Variants in CNGB3 observed in about 807,000 individuals in gnomAD.
The protein encoded by CNGB3 is cyclic nucleotide-gated channel beta-3.
CNGB3 carries 86 observed loss-of-function variants against 92.8 expected under a neutral mutation model. The observed-to-expected ratio is 0.93, with a 90% CI of 0.78 to 1.11. CNGB3 has a LOEUF of 1.11. Among genes scored for constraint, CNGB3 ranks in the 50% least tolerant of loss-of-function variants. CNGB3 has a pLI of 0.00. For missense variants in CNGB3, 1,026 were observed against 956.8 expected (o/e 1.07, Z -0.95); for synonymous variants, 333 against 332.7 (o/e 1.00, Z -0.01).
intron 3 of CNGB3, among the ~76,000 whole-genome samples, chr8:86,677,657 G>T (rs754845339): frequency 1.3e-5 from 2 of 152,094 alleles, no homozygotes; most frequent in Non-Finnish European, 2.9e-5. Flanking sequence ...TAGAGAGACA[G>T]ATCTAAAAGA....
At position 86,617,523 on chromosome 8, in the gene CNGB3, C is replaced by T. The variant is rs151005686; in HGVS notation, c.1579-5852G>A. On this transcript the variant is annotated intron_variant, in intron 13 of 17. Transcript: ENST00000320005. ...TCAGTTCTTCATGCCATTGACTATG[C>T]GAGGCATGATACTGATTGGTAGCTG... Among the ~76,000 whole-genome samples the T allele has an allele frequency of 4.8e-3, 729 of 152,164 alleles. 6 individuals carry two copies. The highest frequency in any genetic ancestry group is 0.016 in the African/African-American group (684 of 41,526).
rs74894608 is a variant in CNGB3, at chr8:86,622,163, T to C, written c.1578+3820A>G. On this transcript the variant is annotated intron_variant, in intron 13 of 17. Coordinates refer to ENST00000320005, the MANE Select transcript of CNGB3 (RefSeq NM_019098.5). ...ATTCCGTGGTATATTGGTGTGTATA[T>C]ACAAATACATCAATATGTAGTAGAG... 3.3e-4 allele frequency among the ~76,000 whole-genome samples: 51 copies of C among 152,316 alleles called. 2 individuals carry two copies. The East Asian group carries it at 8.9e-3, about 26-fold the overall frequency.
intron 7 of CNGB3, among the ~76,000 whole-genome samples, chr8:86,648,558 A>G (rs573889778): frequency 1.8e-4 from 27 of 151,402 alleles, no homozygotes; most frequent in African/African-American, 6.3e-4. Context: ...GTCATGTATT[A>G]AAATTATTTT....
At position 86,739,647 on chromosome 8, in the gene CNGB3, A is replaced by G. The variant is rs1365685560; in HGVS notation, c.211+8T>C. 7.7e-6 allele frequency: 12 copies of G among 1,555,878 alleles called. No homozygotes were observed. The highest frequency in any genetic ancestry group is 1.0e-5 in the Non-Finnish European group (12 of 1,155,948). On this transcript the variant is annotated splice_region_variant and intron_variant, in intron 2 of 17. Transcript: ENST00000320005. The stretch of plus-strand genomic sequence containing the variant: ...TTTTTTTTTTTTTTTTTCAGACTGC[A>G]TTCTGACCTTGTATGTTGGTGTGTG...
At chr8:86,732,669 A>T (rs969200259) in intron 2 of CNGB3, among the ~76,000 whole-genome samples, 1 of 152,170 alleles carries the variant, frequency 6.6e-6, no homozygotes, top group African/African-American at 2.4e-5. Context: ...AACCAGCACA[A>T]TTAGGAATTT....
intron 3 of CNGB3, among the ~76,000 whole-genome samples, chr8:86,711,002 G>T (rs917229673): frequency 6.6e-6 from 1 of 152,104 alleles, no homozygotes; most frequent in African/African-American, 2.4e-5. Flanking sequence ...GTGACCTATA[G>T]CTGTGTTTTG....
At chr8:86,704,184 A>C (rs541912717) in intron 3 of CNGB3, 1 of 152,378 alleles carries the variant, frequency 6.6e-6, no homozygotes, top group South Asian at 2.1e-4. Flanking sequence ...AGAGAAGAGA[A>C]AATGTTATTA....
At chr8:86,644,832 T>C in intron 8 of CNGB3, 146 bp from the exon 9 acceptor site, 1 of 545,722 alleles carries the variant, frequency 1.8e-6, no homozygotes, top group South Asian at 5.7e-5. Context: ...TTAGTGATAT[T>C]TTCCTCTGGA....
intron 3 of CNGB3, among the ~76,000 whole-genome samples, chr8:86,682,359 C>G (rs982262414): frequency 1.3e-5 from 2 of 152,132 alleles, no homozygotes; most frequent in African/African-American, 4.8e-5. Context: ...CCAACCACTA[C>G]TAAAGAGGGG....
At chr8:86,652,253 A>G (rs1034528705) in intron 7 of CNGB3, among the ~76,000 whole-genome samples, 1 of 152,056 alleles carries the variant, frequency 6.6e-6, no homozygotes, top group African/African-American at 2.4e-5. Context: ...GATACTTACC[A>G]TGAATGGAGC....
chr8:86,695,283 C>G (rs998935675), intron 3 of CNGB3, among the ~76,000 whole-genome samples: 2 of 151,888 alleles, frequency 1.3e-5, no homozygotes, highest in South Asian at 2.1e-4. Flanking sequence ...AGAGGGAGAC[C>G]GTGGAAAGAG....
chr8:86,714,723 A>G (rs1219628020), intron 3 of CNGB3, among the ~76,000 whole-genome samples: 1 of 152,100 alleles, frequency 6.6e-6, no homozygotes, highest in Non-Finnish European at 1.5e-5. Context: ...TGCTGTCTCA[A>G]TGAGGAGACT....
At chr8:86,735,393 C>G (rs1326363468) in intron 2 of CNGB3, among the ~76,000 whole-genome samples, 3 of 151,988 alleles carry the variant, frequency 2.0e-5, no homozygotes, top group Non-Finnish European at 2.9e-5. Context: ...AGTTGGAATT[C>G]TCTTAAAGCT....
chr8:86,639,791 C>A (rs1365231605), intron 10 of CNGB3, among the ~76,000 whole-genome samples: 1 of 151,982 alleles, frequency 6.6e-6, no homozygotes, highest in Non-Finnish European at 1.5e-5. Flanking sequence ...ATTTTCATTG[C>A]AAGGGTGGCA....
intron 10 of CNGB3, among the ~76,000 whole-genome samples, chr8:86,640,774 G>GC (rs5892990): frequency 0.9 from 136,553 of 152,132 alleles, 61,558 homozygotes; most frequent in East Asian, 1. Flanking sequence ...CTCTAAAATG[G>GC]TTTTGTTTTA....
At chr8:86,728,245 A>G (rs1272396646) in intron 2 of CNGB3, among the ~76,000 whole-genome samples, 1 of 152,200 alleles carries the variant, frequency 6.6e-6, no homozygotes, top group Non-Finnish European at 1.5e-5. Context: ...AAGCCTGCGT[A>G]TAAAGATTAT....
At chr8:86,603,072 C>T (rs1486349890) in intron 15 of CNGB3, among the ~76,000 whole-genome samples, 3 of 152,168 alleles carry the variant, frequency 2.0e-5, no homozygotes, top group African/African-American at 7.2e-5. Flanking sequence ...ATCCTTTTCT[C>T]TTTCAAATCT....
At chr8:86,686,819 T>G (rs1298882886) in intron 3 of CNGB3, among the ~76,000 whole-genome samples, 2 of 152,050 alleles carry the variant, frequency 1.3e-5, no homozygotes, top group African/African-American at 4.8e-5. Context: ...GAAAGGTATA[T>G]TGCTTTTATA....
chr8:86,643,471 C>T lies in CNGB3; in HGVS notation c.1178+280G>A, dbSNP rs1823231514. Among the ~76,000 whole-genome samples, 2 of 151,448 alleles carry T rather than the reference C, an allele frequency of 1.3e-5. 1 individual carries two copies. Among genetic ancestry groups the T allele is most frequent in the South Asian group, 4.1e-4 (2 of 4,826 alleles). ...TCCCAGTCTCTGTTATCTTTCCACT[C>T]TCTGTCTCTATGTGATCAAAATTTT... On this transcript the variant is annotated intron_variant, in intron 10 of 17. Coordinates refer to ENST00000320005, the MANE Select transcript of CNGB3 (RefSeq NM_019098.5).
Sources: allele counts gnomAD v4.1 joint callset (sites outside exome capture counted in the v4.1 genomes callset), GRCh38; gene constraint gnomAD v4.1.1; transcripts MANE v1.5; gene names NCBI Gene and HGNC (gene_info 2026-07-23, HGNC 2026-07-21).